The following BRAP variants were observed in gnomAD, a reference collection of about 807,000 sequenced individuals.
BRAP encodes the protein BRCA1 associated protein.
Under a neutral mutation model 73.4 loss-of-function variants are expected in BRAP, and 42 were observed. The observed-to-expected ratio is 0.57, with a 90% CI of 0.45 to 0.74. BRAP has a LOEUF of 0.74. BRAP is among the 30% of genes least tolerant of loss of function. The probability of loss-of-function intolerance (pLI) is 0.00; values close to 1 mark genes in which losing one functional copy is unlikely to be tolerated. For synonymous variants in BRAP, 255 were observed against 267.4 expected (o/e 0.95, Z 0.45); for missense variants, 593 against 751.4 (o/e 0.79, Z 2.46).
chr12:111,680,673 T>C (rs941662919), intron 3 of BRAP, among the ~76,000 whole-genome samples: 2 of 151,478 alleles, frequency 1.3e-5, no homozygotes, highest in South Asian at 2.1e-4. Context: ...GCCTGAGTTA[T>C]GGAGTGAGAC....
Position 111,665,629 on chromosome 12 carries a change from C to T in BRAP, c.896+10G>A, listed in dbSNP as rs775181789. The T allele has an allele frequency of 1.2e-6, 2 of 1,614,150 alleles. No homozygotes were observed. The highest frequency in any genetic ancestry group is 4.5e-5 in the East Asian group (2 of 44,884). Reference sequence around the variant, plus strand: ...GCTTGTACACAGAGGGGTTCGGCCCCTGCACTCACGTGGTATCGTCCCAGC... The same window carrying T: ...GCTTGTACACAGAGGGGTTCGGCCCTTGCACTCACGTGGTATCGTCCCAGC... On this transcript the variant is annotated intron_variant, in intron 6 of 11. Coordinates refer to ENST00000419234, the MANE Select transcript of BRAP (RefSeq NM_006768.5). The surrounding 1 kb of genome is among the most constrained non-coding windows in gnomAD (Gnocchi z 4.3).
At chr12:111,651,868 C>T (rs944004972) in intron 10 of BRAP, among the ~76,000 whole-genome samples, 2 of 151,914 alleles carry the variant, frequency 1.3e-5, no homozygotes, top group Non-Finnish European at 1.5e-5. Context: ...GAACTCCTGA[C>T]CTCATGATCT....
intron 4 of BRAP, among the ~76,000 whole-genome samples, chr12:111,676,022 A>AC (rs796989277): frequency 2.5e-3 from 370 of 150,762 alleles, no homozygotes; most frequent in African/African-American, 4.6e-3. Flanking sequence ...TGGTAAGCAC[A>AC]CCCCCCCTTT....
rs536890759 is a variant in BRAP, at chr12:111,644,004, C to T, written c.*195G>A. ...ACTCTTAAGACCTTTTCGAACGCAG[C>T]GCCTTTCTATCAGCTCTCCAGTCAG... On this transcript the variant is annotated 3_prime_UTR_variant, in exon 12 of 12. Transcript: ENST00000419234. 2.2e-4 allele frequency: 190 copies of T among 867,342 alleles called. No individual in the cohort carries two copies. The highest frequency in any genetic ancestry group is 2.8e-4 in the Non-Finnish European group (165 of 590,004). 53.7% of individuals were successfully genotyped at this position (867,342 alleles called of 1,614,324 possible).
intron 3 of BRAP, 35 bp downstream of exon 3, chr12:111,681,602 A>AAAAT: frequency 6.8e-7 from 1 of 1,476,270 alleles, no homozygotes; most frequent in Non-Finnish European, 9.2e-7. Context: ...AAAAAAAAAA[A>AAAAT]TTGACTAACC....
At chr12:111,680,615 C>A (rs1479805824) in intron 3 of BRAP, among the ~76,000 whole-genome samples, 3 of 151,836 alleles carry the variant, frequency 2.0e-5, no homozygotes, top group East Asian at 1.9e-4. Context: ...ATTGCTTGAA[C>A]CCGGGAGGGG....
chr12:111,685,856 G>A lies in BRAP; in HGVS notation c.-64C>T, dbSNP rs1484487991. 1.6e-6 allele frequency: 2 copies of A among 1,277,468 alleles called. No homozygotes were observed. Among genetic ancestry groups the A allele is most frequent in the South Asian group, 1.8e-5 (1 of 55,068 alleles). The allele number at this position is 1,277,468 out of a possible 1,614,324, so 79.1% of individuals were successfully genotyped here. ...GGCGAGGCTGGAAGGCGAGCCGAGAGGCCGAGCGGCCCGGGGCCGGCAGCG... is the reference window on the plus strand; with the variant it reads ...GGCGAGGCTGGAAGGCGAGCCGAGAAGCCGAGCGGCCCGGGGCCGGCAGCG... On this transcript the variant is annotated 5_prime_UTR_variant, in exon 1 of 12. Transcript: ENST00000419234.
chr12:111,643,191 G>A lies in BRAP; in HGVS notation c.*1008C>T, dbSNP rs1275856855. On this transcript the variant is annotated 3_prime_UTR_variant, in exon 12 of 12. Coordinates refer to ENST00000419234, the MANE Select transcript of BRAP (RefSeq NM_006768.5). ...TGACTGTTCTAAAGGGGGCTCTGTT[G>A]AAATTCTAATTTTAGGATTTAGAAA... 1 of 152,154 alleles carries A rather than the reference G, an allele frequency of 6.6e-6. No homozygotes were observed. Among genetic ancestry groups the A allele is most frequent in the Admixed American group, 6.5e-5 (1 of 15,274 alleles). 9.4% of individuals were successfully genotyped at this position (152,154 alleles called of 1,614,324 possible).
intron 6 of BRAP, among the ~76,000 whole-genome samples, chr12:111,663,627 C>T (rs1346404600): frequency 2.0e-5 from 3 of 152,160 alleles, no homozygotes; most frequent in Non-Finnish European, 4.4e-5. Flanking sequence ...TTCCTGAGTA[C>T]CCCTGGTTGG....
chr12:111,661,187 C>T (rs761934893), intron 6 of BRAP, among the ~76,000 whole-genome samples: 2 of 150,962 alleles, frequency 1.3e-5, no homozygotes, highest in African/African-American at 4.9e-5. Context: ...ACCATGTTGG[C>T]CAGGATGGTC....
intron 10 of BRAP, among the ~76,000 whole-genome samples, 184 bp from the exon 11 acceptor site, chr12:111,650,226 T>G (rs1011392709): frequency 6.6e-6 from 1 of 152,218 alleles, no homozygotes; most frequent in Non-Finnish European, 1.5e-5. Flanking sequence ...GGTAATCATT[T>G]GAAAGAATTT....
At chr12:111,650,080 G>A (rs1347148496) in intron 10 of BRAP, 38 bp from the exon 11 acceptor site, 1 of 1,440,024 alleles carries the variant, frequency 6.9e-7, no homozygotes, top group Non-Finnish European at 9.7e-7. Context: ...ATTTCACAAA[G>A]GTAATGTGGT....
Position 111,644,883 on chromosome 12 carries a change from A to T in BRAP, c.1416-321T>A, listed in dbSNP as rs188577127. 2.0e-5 allele frequency among the ~76,000 whole-genome samples: 3 copies of T among 151,596 alleles called. No individual in the cohort carries two copies. The East Asian group carries it at 5.8e-4, about 29-fold the overall frequency. ...GCGATTCTCCTGCCTCAGCCTCCCAAGTAGCTGGGATTACAGGCACCTGCC... is the reference window on the plus strand; with the variant it reads ...GCGATTCTCCTGCCTCAGCCTCCCATGTAGCTGGGATTACAGGCACCTGCC... On this transcript the variant is annotated intron_variant, in intron 11 of 11. Coordinates refer to ENST00000419234, the MANE Select transcript of BRAP (RefSeq NM_006768.5).
intron 6 of BRAP, among the ~76,000 whole-genome samples, chr12:111,664,468 G>A (rs929946105): frequency 6.6e-6 from 1 of 152,186 alleles, no homozygotes; most frequent in Non-Finnish European, 1.5e-5. Context: ...AAGGCAACTG[G>A]ACAATTCCTT....
rs1435721424 is a variant in BRAP at position 111,662,107 on chromosome 12, G to GA, written c.897-1433dup. Among the ~76,000 whole-genome samples, 5 of 152,110 alleles carry GA rather than the reference G, an allele frequency of 3.3e-5. No individual in the cohort carries two copies. In the East Asian group the frequency reaches 5.8e-4, roughly 18 times the overall value. ...ACAAAAAGCCAATAAAAACAATGTT[G>GA]AAAAAATCCATTAACTGTTTTCTAT... On this transcript the variant is annotated intron_variant, in intron 6 of 11. Transcript: ENST00000419234.
chr12:111,643,790 A>C lies in BRAP; in HGVS notation c.*409T>G. On this transcript the variant is annotated 3_prime_UTR_variant, in exon 12 of 12. Coordinates refer to ENST00000419234, the MANE Select transcript of BRAP (RefSeq NM_006768.5). ...TAAAGCAGCTGTTATGCCCTCAGAG[A>C]GGTTTGGTGCTTTAGTGCTAGATAA... 5.7e-6 allele frequency: 1 copy of C among 174,864 alleles called. No individual in the cohort carries two copies. Among genetic ancestry groups the C allele is most frequent in the South Asian group, 1.5e-4 (1 of 6,774 alleles). The allele number at this position is 174,864 out of a possible 1,614,324, so 10.8% of individuals were successfully genotyped here. A position where few individuals can be genotyped will look rare whatever the true frequency, so the allele number is the denominator to read the frequency against.
chr12:111,656,283 G>A (rs1886531046), intron 9 of BRAP, among the ~76,000 whole-genome samples: 1 of 152,246 alleles, frequency 6.6e-6, no homozygotes, highest in Non-Finnish European at 1.5e-5. Context: ...AGTAAGATGT[G>A]AGAGAAGGCG....
chr12:111,653,111 T>C (rs889884709), intron 10 of BRAP, among the ~76,000 whole-genome samples: 1 of 152,058 alleles, frequency 6.6e-6, no homozygotes, highest in African/African-American at 2.4e-5. Context: ...GAGGATCGCT[T>C]GAGCATGAGA....
chr12:111,650,602 C>T (rs1393821811), intron 10 of BRAP, among the ~76,000 whole-genome samples: 2 of 152,014 alleles, frequency 1.3e-5, no homozygotes, highest in African/African-American at 4.8e-5. Flanking sequence ...GCCACGTTGG[C>T]CAGGCTGGTC....
Sources: gnomAD v4.1 joint callset for allele counts (sites outside exome capture counted in the v4.1 genomes callset) on GRCh38, gnomAD v4.1.1 for gene constraint, Gnocchi (gnomAD v3.1) non-coding constraint, MANE v1.5 for transcripts, NCBI Gene and HGNC (gene_info 2026-07-23, HGNC 2026-07-21) for gene names.